Variants in WDPCP observed in about 807,000 individuals in gnomAD.
WDPCP encodes WD repeat containing planar cell polarity effector.
WDPCP carries 71 observed loss-of-function variants against 93.1 expected under a neutral mutation model. The ratio of observed to expected loss-of-function variants is 0.76; its 90% CI spans 0.63 to 0.93. WDPCP has a LOEUF of 0.93. Ranked by LOEUF, WDPCP falls within the 40% of genes least tolerant of loss-of-function variation. The pLI, the probability that WDPCP is intolerant of heterozygous loss-of-function variation, is 0.00. For synonymous variants in WDPCP, 315 were observed against 315.0 expected, an observed-to-expected ratio of 1.00 and a Z score of 0.00; for missense variants, 844 against 887.4, an observed-to-expected ratio of 0.95 and a Z score of 0.62.
At chr2:63,823,898 C>A (rs548239122) in intron 1 of WDPCP, among the ~76,000 whole-genome samples, 22 of 152,162 alleles carry the variant, frequency 1.4e-4, no homozygotes, top group African/African-American at 4.3e-4. Context: ...ATGGGCTGGG[C>A]ATGGTGGCAC....
intron 6 of WDPCP, chr2:63,440,113 A>C (rs1181122034): frequency 2.3e-6 from 1 of 426,362 alleles, no homozygotes; most frequent in Non-Finnish European, 4.3e-6. Context: ...AACCTAATTT[A>C]GGCCATGTTT....
At chr2:63,256,668 C>T (rs1681178275) in intron 14 of WDPCP, among the ~76,000 whole-genome samples, 1 of 152,078 alleles carries the variant, frequency 6.6e-6, no homozygotes. Flanking sequence ...CGCATTAGCC[C>T]CAAACTTGAA....
intron 1 of WDPCP, among the ~76,000 whole-genome samples, chr2:63,575,370 G>GTATATACAGTATATACAGTATATACAGTA (rs1707870069): frequency 7.8e-6 from 1 of 128,388 alleles, no homozygotes; most frequent in South Asian, 2.5e-4. Context: ...AGTATATACA[G>GTATATACAGTATATACAGTATATACAGTA]TATATACAGT....
rs1027322901 is a variant in WDPCP, at chr2:63,771,287, G to T, written n.308+42335C>A. On this transcript the variant is annotated intron_variant and non_coding_transcript_variant, in intron 2 of 4. Coordinates refer to the WDPCP transcript ENST00000467687. The stretch of plus-strand genomic sequence containing the variant: ...TAAACATCTTTATGTTAATTGATTT[G>T]AAATTTTAATAAATTGATAAATTCC... 7.3e-5 allele frequency among the ~76,000 whole-genome samples: 11 copies of T among 151,642 alleles called. No homozygotes were observed. The South Asian group carries it at 1.5e-3, about 20-fold the overall frequency.
chr2:63,385,898 T>C (rs560994193), intron 10 of WDPCP, among the ~76,000 whole-genome samples: 2 of 152,210 alleles, frequency 1.3e-5, no homozygotes, highest in South Asian at 4.1e-4. Flanking sequence ...GTCAGAATGG[T>C]ACTTGCTTAA....
chr2:63,818,999 GTATACACACATATATATAA>G (rs1670979341), intron 1 of WDPCP, among the ~76,000 whole-genome samples: 1 of 151,994 alleles, frequency 6.6e-6, no homozygotes, highest in African/African-American at 2.4e-5. Context: ...ATAAATAGAT[GTATACACACATATATATAA>G]TATACACACA....
chr2:63,633,357 TA>T lies in WDPCP; in HGVS notation n.488+17301del, dbSNP rs1160706034. Among the ~76,000 whole-genome samples, 18 of 152,262 alleles carry T rather than the reference TA, an allele frequency of 1.2e-4. No homozygotes were observed. The South Asian group carries it at 1.2e-3, about 11-fold the overall frequency. Reference sequence around the variant, plus strand: ...TAATTATTGTAATAGTATAAAGGTTTAAAGACAAAAGCATTAAAAATAACTA... The same window carrying T: ...TAATTATTGTAATAGTATAAAGGTTTAAGACAAAAGCATTAAAAATAACTA... On this transcript the variant is annotated intron_variant and non_coding_transcript_variant, in intron 3 of 4. Coordinates refer to the WDPCP transcript ENST00000467687.
chr2:63,679,526 T>C (rs1451281951), intron 2 of WDPCP, among the ~76,000 whole-genome samples: 1 of 152,172 alleles, frequency 6.6e-6, no homozygotes, highest in Non-Finnish European at 1.5e-5. Flanking sequence ...TTATCCCCCA[T>C]AGCCACATCT....
chr2:63,189,521 T>A (rs1000268578), intron 14 of WDPCP, among the ~76,000 whole-genome samples: 7 of 152,338 alleles, frequency 4.6e-5, no homozygotes, highest in African/African-American at 1.7e-4. Flanking sequence ...TAATCTGCCA[T>A]CTTGCTAATG....
In WDPCP at chr2:63,121,068, T is replaced by C. The variant is rs576481721; in HGVS notation, c.*938A>G. On this transcript the variant is annotated 3_prime_UTR_variant, in exon 18 of 18. Coordinates refer to ENST00000272321, the MANE Select transcript of WDPCP (RefSeq NM_015910.7). Reference sequence around the variant, plus strand: ...TCTGAGCCCTATTCCTATAGAGCAATGTTAAGAGGGCTAGATGACACCTGC... The same window carrying C: ...TCTGAGCCCTATTCCTATAGAGCAACGTTAAGAGGGCTAGATGACACCTGC... Among the ~76,000 whole-genome samples the C allele has an allele frequency of 6.6e-6, 1 of 152,148 alleles. No individual in the cohort carries two copies. The highest frequency in any genetic ancestry group is 1.9e-4 in the East Asian group (1 of 5,166).
At position 63,569,034 on chromosome 2, in the gene WDPCP, T is replaced by C. The variant is rs558048632; in HGVS notation, c.75+19163A>G. Among the ~76,000 whole-genome samples the C allele has an allele frequency of 2.0e-4, 31 of 152,334 alleles. 1 individual carries two copies. The South Asian group carries it at 5.6e-3, about 27-fold the overall frequency. ...AGAGGAATCTCTACTTTATTTTTCATAGTACCAATGTTAGAAATAGTTAAA... is the reference window on the plus strand; with the variant it reads ...AGAGGAATCTCTACTTTATTTTTCACAGTACCAATGTTAGAAATAGTTAAA... On this transcript the variant is annotated intron_variant, in intron 1 of 17. Coordinates refer to ENST00000272321, the MANE Select transcript of WDPCP (RefSeq NM_015910.7).
chr2:63,837,564 G>T, the WDPCP span, among the ~76,000 whole-genome samples: 2 of 152,148 alleles, frequency 1.3e-5, no homozygotes, highest in East Asian at 3.8e-4. Flanking sequence ...GGATAGGCAA[G>T]AAAAAATAAA....
Position 63,493,032 on chromosome 2 carries a change from T to C in WDPCP, c.76-92A>G, listed in dbSNP as rs534225441. On this transcript the variant is annotated intron_variant, in intron 1 of 17. Coordinates refer to ENST00000272321, the MANE Select transcript of WDPCP (RefSeq NM_015910.7). ...CCTTAGAAATAGTAAAAAGAATCAT[T>C]CGCCACAACTGTTATTTGAAATATG... The C allele has an allele frequency of 4.1e-5, 43 of 1,055,964 alleles. No homozygotes were observed. In the African/African-American group the frequency reaches 5.2e-4, roughly 13 times the overall value. The allele number at this position is 1,055,964 out of a possible 1,614,324, so 65.4% of individuals were successfully genotyped here. A position where few individuals can be genotyped will look rare whatever the true frequency, so the allele number is the denominator to read the frequency against.
At chr2:63,589,449 A>T (rs1006336164), upstream of WDPCP, 2 of 1,481,450 alleles carry the variant, frequency 1.4e-6, no homozygotes, top group Non-Finnish European at 1.8e-6. Context: ...CACAGTGTTT[A>T]TAACGGCTTT....
At chr2:63,310,574 A>G (rs1231800959) in intron 13 of WDPCP, among the ~76,000 whole-genome samples, 1 of 152,176 alleles carries the variant, frequency 6.6e-6, no homozygotes, top group Non-Finnish European at 1.5e-5. Context: ...GTGTCCATAT[A>G]TGAACTTTTA....
At chr2:63,681,019 G>A (rs1182634568) in intron 2 of WDPCP, among the ~76,000 whole-genome samples, 1 of 152,066 alleles carries the variant, frequency 6.6e-6, no homozygotes, top group East Asian at 1.9e-4. Context: ...AGAAACCTTG[G>A]GCCCTGAAAC....
At chr2:63,692,949 G>C (rs1668910829) in intron 2 of WDPCP, among the ~76,000 whole-genome samples, 2 of 152,254 alleles carry the variant, frequency 1.3e-5, no homozygotes, top group South Asian at 4.2e-4. Flanking sequence ...ACATAAGCAA[G>C]CTGTTTTAGG....
chr2:63,394,091 CAGAGTAA>C (rs1159105998), intron 10 of WDPCP, among the ~76,000 whole-genome samples: 1 of 152,042 alleles, frequency 6.6e-6, no homozygotes, highest in Non-Finnish European at 1.5e-5. Flanking sequence ...AAACAATCAA[CAGAGTAA>C]ACAGACAACC....
At chr2:63,589,349 C>G, upstream of WDPCP, 1 of 1,550,626 alleles carries the variant, frequency 6.4e-7, no homozygotes, top group Non-Finnish European at 8.7e-7. Context: ...CAGCTATTTT[C>G]CAAAGGACGT....
Sources: allele counts gnomAD v4.1 joint callset (sites outside exome capture counted in the v4.1 genomes callset), GRCh38; gene constraint gnomAD v4.1.1; transcripts MANE v1.5; gene names NCBI Gene and HGNC (gene_info 2026-07-23, HGNC 2026-07-21).